The following LRRK2 variants were observed in gnomAD, a reference collection of about 807,000 sequenced individuals.
The protein encoded by LRRK2 is leucine-rich repeat serine/threonine-protein kinase 2.
Under a neutral mutation model 302.6 loss-of-function variants are expected in LRRK2, and 203 were observed. The ratio of observed to expected loss-of-function variants is 0.67; its 90% confidence interval spans 0.60 to 0.75. The LOEUF (loss-of-function observed/expected upper bound fraction) is 0.75. Ranked by LOEUF, LRRK2 falls within the 30% of genes least tolerant of loss-of-function variation. The pLI is 0.00. For missense variants in LRRK2, 2,830 were observed against 2,951.0 expected (o/e 0.96, Z 0.95); for synonymous variants, 1,066 against 1,031.9 (o/e 1.03, Z -0.63).
chr12:40,290,977 C>T (rs1297084548), intron 20 of LRRK2, among the ~76,000 whole-genome samples: 1 of 151,986 alleles, frequency 6.6e-6, no homozygotes, highest in African/African-American at 2.4e-5. Flanking sequence ...TTCACTGCAT[C>T]CCAATATTTT....
rs749582373 is a variant in LRRK2 at position 40,348,553 on chromosome 12, G to A, written c.6381+44G>A. ...TAATATTTTGTACAGAACATCATTT[G>A]CATATATGCATATATATATAATCTT... On this transcript the variant is annotated intron_variant, in intron 43 of 50. Transcript: ENST00000298910. The A allele has an allele frequency of 7.3e-6, 8 of 1,095,438 alleles. No homozygotes were observed. The South Asian group carries it at 1.0e-4, about 14-fold the overall frequency. The allele number at this position is 1,095,438 out of a possible 1,614,324, so 67.9% of individuals were successfully genotyped here.
Position 40,287,549 on chromosome 12 carries a change from A to AC in LRRK2, c.2689+10_2689+11insC. On this transcript the variant is annotated intron_variant, in intron 20 of 50. Transcript: ENST00000298910. ...GACCTGGATAGTGAAGGTATTTATT[A>AC]TAAAAAAAAACCCTTTATGCTTTAT... 1.9e-6 allele frequency: 3 copies of AC among 1,607,234 alleles called. No homozygotes were observed. The highest frequency in any genetic ancestry group is 3.4e-5 in the Admixed American group (2 of 59,148).
intron 2 of LRRK2, among the ~76,000 whole-genome samples, chr12:40,227,407 T>G (rs1940951886): frequency 6.6e-6 from 1 of 152,174 alleles, no homozygotes; most frequent in Non-Finnish European, 1.5e-5. Flanking sequence ...CTTAATTGCT[T>G]GTATCTAATT....
intron 29 of LRRK2, 23 bp from the exon 30 acceptor site, chr12:40,309,083 A>G (rs79223951): frequency 6.2e-7 from 1 of 1,612,020 alleles, no homozygotes; most frequent in Non-Finnish European, 8.5e-7. Flanking sequence ...GATTAAAAAA[A>G]TTTGTCTCTA....
At chr12:40,275,080 G>A in intron 16 of LRRK2, 87 bp downstream of exon 16, 1 of 1,403,954 alleles carries the variant, frequency 7.1e-7, no homozygotes, top group African/African-American at 1.4e-5. Flanking sequence ...TTGCATGAAT[G>A]GGGTATTCTA....
chr12:40,354,205 A>G, intron 44 of LRRK2, 94 bp from the exon 45 acceptor site: 1 of 1,028,298 alleles, frequency 9.7e-7, no homozygotes, highest in South Asian at 1.5e-5. Context: ...AAGCAAAAAG[A>G]GTTATGTTGA....
At chr12:40,352,740 T>C (rs1223536309) in intron 44 of LRRK2, among the ~76,000 whole-genome samples, 2 of 150,902 alleles carry the variant, frequency 1.3e-5, no homozygotes, top group East Asian at 3.9e-4. Context: ...TAACCCTGAG[T>C]GGACACAGCA....
chr12:40,332,960 T>TA (rs35031086), intron 39 of LRRK2, among the ~76,000 whole-genome samples: 103,503 of 141,978 alleles, frequency 0.73, 37,732 homozygotes, highest in South Asian at 0.84. Context: ...CTTCTTCTCT[T>TA]AAAAAAAAAA....
chr12:40,253,991 C>A (rs1942392254), intron 11 of LRRK2, among the ~76,000 whole-genome samples: 1 of 152,042 alleles, frequency 6.6e-6, no homozygotes, highest in South Asian at 2.1e-4. Context: ...TCTTATAAAT[C>A]TTATAGCTTT....
intron 8 of LRRK2, 42 bp downstream of exon 8, chr12:40,249,987 T>G: frequency 6.2e-7 from 1 of 1,608,886 alleles, no homozygotes; most frequent in Non-Finnish European, 8.5e-7. Context: ...CAGAGGCATT[T>G]GACATCAAAT....
chr12:40,260,321 T>C (rs1942713212), intron 13 of LRRK2, among the ~76,000 whole-genome samples: 1 of 151,798 alleles, frequency 6.6e-6, no homozygotes. Context: ...TAGATGCATA[T>C]ATAAAAGGCT....
intron 23 of LRRK2, 95 bp downstream of exon 23, chr12:40,295,739 T>A: frequency 8.3e-7 from 1 of 1,199,350 alleles, no homozygotes; most frequent in Non-Finnish European, 1.2e-6. Context: ...AAGAACATTC[T>A]ACTTTTGTGT....
intron 32 of LRRK2, 41 bp from the exon 33 acceptor site, chr12:40,315,171 C>A: frequency 6.6e-7 from 1 of 1,504,008 alleles, no homozygotes; most frequent in Non-Finnish European, 9.3e-7. Flanking sequence ...GATATTTGTT[C>A]TAGATTCCAT....
In LRRK2 at chr12:40,367,140, A is replaced by G; in HGVS notation, c.7462+63A>G. On this transcript the variant is annotated intron_variant, in intron 50 of 50. Transcript: ENST00000298910. ...ATGATGTGAATGATGGTAACATATTATGTGTTTCATAAATTTGTAGAAAAT... is the reference window on the plus strand; with the variant it reads ...ATGATGTGAATGATGGTAACATATTGTGTGTTTCATAAATTTGTAGAAAAT... 3 of 1,253,952 alleles carry G rather than the reference A, an allele frequency of 2.4e-6. No individual in the cohort carries two copies. In the South Asian group the frequency reaches 3.7e-5, roughly 15 times the overall value. The allele number at this position is 1,253,952 out of a possible 1,614,324, so 77.7% of individuals were successfully genotyped here.
intron 39 of LRRK2, among the ~76,000 whole-genome samples, chr12:40,334,103 C>T (rs558967775): frequency 5.3e-5 from 8 of 152,150 alleles, no homozygotes; most frequent in South Asian, 2.1e-4. Flanking sequence ...CTTTTGTAGT[C>T]GTTAAACCAG....
At chr12:40,272,212 G>A (rs1943260440) in intron 14 of LRRK2, among the ~76,000 whole-genome samples, 1 of 152,184 alleles carries the variant, frequency 6.6e-6, no homozygotes, top group Non-Finnish European at 1.5e-5. Context: ...GGCCTTGCCT[G>A]CCAAACAGGA....
chr12:40,346,905 A>G lies in LRRK2; in HGVS notation c.6262A>G (p.Ile2088Val). The G allele has an allele frequency of 6.2e-7, 1 of 1,611,670 alleles. No individual in the cohort carries two copies. Among genetic ancestry groups the G allele is most frequent in the Non-Finnish European group, 8.5e-7 (1 of 1,179,398 alleles). ...KFPNEFDELE[I>V]QGKLPDPVKE... ...TCCAAATGAGTTTGATGAATTAGAA[A>G]TACAAGGAAAATTACCTGGTAAGTT... is the stretch of plus-strand genomic sequence containing the variant. The change falls in exon 42 of 51, where the codon ATA becomes GTA. Residue 2088 changes from isoleucine (I) to valine (V), a missense_variant. This residue lies in a region of LRRK2 where 253 missense variants were observed against 346.7 expected (regional missense o/e 0.73). Transcript: ENST00000298910.
intron 20 of LRRK2, among the ~76,000 whole-genome samples, chr12:40,288,788 G>T (rs17466178): frequency 0.12 from 18,299 of 151,804 alleles, 1,309 homozygotes; most frequent in African/African-American, 0.14. Context: ...TTATATAAGA[G>T]TTCTTTGTAT....
At chr12:40,319,786 ATT>A (rs373676201) in intron 33 of LRRK2, among the ~76,000 whole-genome samples, 200 bp from the exon 34 acceptor site, 9 of 31,094 alleles carry the variant, frequency 2.9e-4, no homozygotes, top group African/African-American at 5.7e-4. Context: ...TAATTTAACA[ATT>A]TTTTTTTTTT....
Sources: gnomAD v4.1 joint callset for allele counts (sites outside exome capture counted in the v4.1 genomes callset) on GRCh38, gnomAD v4.1.1 for gene constraint, gnomAD v4.1.1 regional missense constraint, MANE v1.5 for transcripts, NCBI Gene and HGNC (gene_info 2026-07-23, HGNC 2026-07-21) for gene names.